The following SLCO4C1 variants were observed in gnomAD, a reference collection of about 807,000 sequenced individuals.
SLCO4C1 encodes solute carrier organic anion transporter family member 4C1, also known as organic anion transporter M1.
SLCO4C1 carries 58 observed loss-of-function variants against 72.1 expected under a neutral mutation model. The observed-to-expected ratio is 0.80, with a 90% CI of 0.65 to 1.00. The LOEUF (loss-of-function observed/expected upper bound fraction) is 1.00. SLCO4C1 is among the 50% of genes least tolerant of loss of function. The pLI, the probability that SLCO4C1 is intolerant of heterozygous loss-of-function variation, is 0.00. For synonymous variants in SLCO4C1, 297 were observed against 312.5 expected (o/e 0.95, Z 0.52); for missense variants, 898 against 857.9 (o/e 1.05, Z -0.58).
intron 12 of SLCO4C1, among the ~76,000 whole-genome samples, chr5:102,238,123 T>C (rs1748472563): frequency 6.6e-6 from 1 of 152,198 alleles, no homozygotes; most frequent in Non-Finnish European, 1.5e-5. Flanking sequence ...ATTAGTTACA[T>C]AGGTACAACT....
intron 8 of SLCO4C1, among the ~76,000 whole-genome samples, chr5:102,255,097 A>AT (rs879640548): frequency 0.011 from 1,656 of 152,290 alleles, 15 homozygotes; most frequent in Non-Finnish European, 0.019. Flanking sequence ...CTATATACAC[A>AT]CACATACATA....
intron 9 of SLCO4C1, among the ~76,000 whole-genome samples, chr5:102,247,881 G>C (rs73778234): frequency 0.025 from 3,728 of 147,016 alleles, 157 homozygotes; most frequent in African/African-American, 0.088. Context: ...AGAAATCAAA[G>C]AGAAGCAGTG....
intron 10 of SLCO4C1, among the ~76,000 whole-genome samples, chr5:102,241,507 GA>G (rs967168776): frequency 6.7e-5 from 10 of 148,880 alleles, no homozygotes; most frequent in East Asian, 3.9e-4. Context: ...CAATAGCATT[GA>G]AAAAAAAATA....
At chr5:102,249,438 C>G (rs1748695974) in intron 9 of SLCO4C1, among the ~76,000 whole-genome samples, 200 bp downstream of exon 9, 1 of 152,114 alleles carries the variant, frequency 6.6e-6, no homozygotes, top group Non-Finnish European at 1.5e-5. Context: ...ATGTTTGTAA[C>G]TTCCAAATTG....
At chr5:102,244,239 C>T (rs200682972) in intron 10 of SLCO4C1, among the ~76,000 whole-genome samples, 3 of 151,750 alleles carry the variant, frequency 2.0e-5, no homozygotes, top group African/African-American at 7.3e-5. Flanking sequence ...ATGCAATTGG[C>T]GTATTGAATA....
intron 10 of SLCO4C1, among the ~76,000 whole-genome samples, chr5:102,242,250 T>C (rs1463757277): frequency 6.6e-6 from 1 of 152,194 alleles, no homozygotes; most frequent in Non-Finnish European, 1.5e-5. Flanking sequence ...CCAAGTTAAC[T>C]TGAAAGGCAG....
rs780329758 is a variant in SLCO4C1 at position 102,239,407 on chromosome 5, A to G, written c.1877-19T>C. The stretch of plus-strand genomic sequence containing the variant: ...ATTGTCCCTAAAAGAATTATGGGTG[A>G]AATATACAACAGTAAAGATTACAGT... On this transcript the variant is annotated intron_variant, in intron 11 of 12. Coordinates refer to ENST00000310954, the MANE Select transcript of SLCO4C1 (RefSeq NM_180991.5). 1 of 1,543,616 alleles carries G rather than the reference A, an allele frequency of 6.5e-7. No individual in the cohort carries two copies. The highest frequency in any genetic ancestry group is 8.8e-7 in the Non-Finnish European group (1 of 1,142,388).
intron 1 of SLCO4C1, 133 bp downstream of exon 1, chr5:102,295,775 C>T: frequency 1.1e-6 from 1 of 913,464 alleles, no homozygotes. Context: ...AAGCAAGTTC[C>T]AAACCCGGGG....
In SLCO4C1 at chr5:102,270,696, T is replaced by G. The variant is rs761795658; in HGVS notation, c.730A>C (p.Thr244Pro). The stretch of plus-strand genomic sequence containing the variant: ...GCTGTTCCCAGAGTATAAAGAGGAG[T>G]TCCTCCTGCCCCCAGCAATAGTTGT... ...LGQLLLGAGG[T>P]PLYTLGTAFL... The change falls in exon 3 of 13, where the codon ACT becomes CCT. Residue 244 changes from threonine to proline, a missense_variant. Transcript: ENST00000310954. 2 of 1,613,094 alleles carry G rather than the reference T, an allele frequency of 1.2e-6. No homozygotes were observed. Among genetic ancestry groups the G allele is most frequent in the African/African-American group, 1.3e-5 (1 of 74,832 alleles).
At position 102,262,036 on chromosome 5, in the gene SLCO4C1, A is replaced by G; in HGVS notation, c.900-3T>C. On this transcript the variant is annotated splice_region_variant and splice_polypyrimidine_tract_variant and intron_variant, in intron 4 of 12. Transcript: ENST00000310954. ...GATCATCCTCAGTGACATCAGTGCT[A>G]TATGATAGAAAAACAAGAGGTAAAA... is the stretch of plus-strand genomic sequence containing the variant. 1 of 1,597,800 alleles carries G rather than the reference A, an allele frequency of 6.3e-7. No homozygotes were observed. The highest frequency in any genetic ancestry group is 8.5e-7 in the Non-Finnish European group (1 of 1,174,078).
chr5:102,283,879 A>C lies in SLCO4C1; in HGVS notation c.619+7464T>G, dbSNP rs1749401355. 2.0e-5 allele frequency among the ~76,000 whole-genome samples: 3 copies of C among 152,148 alleles called. No homozygotes were observed. In the South Asian group the frequency reaches 6.2e-4, roughly 31 times the overall value. On this transcript the variant is annotated intron_variant, in intron 2 of 12. Transcript: ENST00000310954. ...GGCTAAAAAAATGGAACATTAAAAG[A>C]GAATTTTCTTAGAAGCACTGAAGTG...
chr5:102,237,704 C>T (rs932728550), intron 12 of SLCO4C1, among the ~76,000 whole-genome samples: 2 of 152,106 alleles, frequency 1.3e-5, no homozygotes, highest in Non-Finnish European at 2.9e-5. Context: ...TAGTTTGTAA[C>T]ATTCTTGAAC....
chr5:102,270,966 C>T (rs750175829), intron 2 of SLCO4C1, among the ~76,000 whole-genome samples, 160 bp from the exon 3 acceptor site: 24 of 152,026 alleles, frequency 1.6e-4, no homozygotes, highest in Non-Finnish European at 3.1e-4. Context: ...AAGAAAAATA[C>T]ACTTTCTTAC....
In SLCO4C1 at chr5:102,247,542, C is replaced by T. The variant is rs532700276; in HGVS notation, c.1621-100G>A. ...GACATGGCAAACACTCTCATACTGTCTTAATCCATATTCAACAAATTATGC... is the reference window on the plus strand; with the variant it reads ...GACATGGCAAACACTCTCATACTGTTTTAATCCATATTCAACAAATTATGC... On this transcript the variant is annotated intron_variant, in intron 9 of 12. Coordinates refer to ENST00000310954, the MANE Select transcript of SLCO4C1 (RefSeq NM_180991.5). The T allele has an allele frequency of 9.9e-6, 7 of 704,102 alleles. No individual in the cohort carries two copies. The South Asian group carries it at 2.6e-4, about 26-fold the overall frequency. The allele number at this position is 704,102 out of a possible 1,614,324, so 43.6% of individuals were successfully genotyped here.
chr5:102,270,202 T>C (rs746929821), intron 3 of SLCO4C1, among the ~76,000 whole-genome samples: 12 of 152,102 alleles, frequency 7.9e-5, no homozygotes, highest in Non-Finnish European at 7.4e-5. Context: ...AGGAATTAGA[T>C]CACAAAGGAG....
At chr5:102,291,249 C>G (rs1024150982) in intron 2 of SLCO4C1, 94 bp downstream of exon 2, 18 of 1,331,636 alleles carry the variant, frequency 1.4e-5, no homozygotes, top group African/African-American at 3.0e-5. Context: ...TAAACCCTTA[C>G]CATACTGTGT....
intron 2 of SLCO4C1, among the ~76,000 whole-genome samples, chr5:102,281,301 A>G (rs934815025): frequency 5.9e-5 from 9 of 152,152 alleles, no homozygotes; most frequent in African/African-American, 2.2e-4. Flanking sequence ...AACTCAAAAT[A>G]TATCACAGAC....
chr5:102,260,968 T>C (rs1423804377), intron 5 of SLCO4C1, among the ~76,000 whole-genome samples: 1 of 152,182 alleles, frequency 6.6e-6, no homozygotes, highest in Non-Finnish European at 1.5e-5. Flanking sequence ...TCTATCCTGC[T>C]GCAAATAACA....
intron 2 of SLCO4C1, among the ~76,000 whole-genome samples, chr5:102,288,878 C>T (rs551903716): frequency 1.3e-5 from 2 of 152,292 alleles, no homozygotes; most frequent in South Asian, 4.1e-4. Flanking sequence ...CCACTCACCT[C>T]AATTTTCAAT....
Sources: gnomAD v4.1 joint callset for allele counts (sites outside exome capture counted in the v4.1 genomes callset) on GRCh38, gnomAD v4.1.1 for gene constraint, MANE v1.5 for transcripts, NCBI Gene and HGNC (gene_info 2026-07-23, HGNC 2026-07-21) for gene names.